The following VIT variants were observed in gnomAD, a reference collection of about 807,000 sequenced individuals.
The protein encoded by VIT is vitrin.
A neutral mutation model predicts 78.0 loss-of-function variants in VIT; 99 were observed. The observed-to-expected ratio is 1.27, with a 90% CI of 1.08 to 1.50. The LOEUF (loss-of-function observed/expected upper bound fraction) is 1.50. Among genes scored for constraint, VIT ranks in the 40% most tolerant of loss-of-function variants. The probability of loss-of-function intolerance (pLI) is 0.00; values close to 1 mark genes in which losing one functional copy is unlikely to be tolerated. For missense variants in VIT, 1,126 were observed against 875.3 expected, an observed-to-expected ratio of 1.29 and a Z score of -3.61; for synonymous variants, 374 against 334.3, an observed-to-expected ratio of 1.12 and a Z score of -1.29.
chr2:36,802,632 C>G (rs1262044008), intron 13 of VIT, among the ~76,000 whole-genome samples: 1 of 152,242 alleles, frequency 6.6e-6, no homozygotes, highest in Non-Finnish European at 1.5e-5. Flanking sequence ...GAGTTGATTT[C>G]TGGTTTGTTT....
intron 11 of VIT, among the ~76,000 whole-genome samples, chr2:36,783,877 G>C (rs1461919757): frequency 6.6e-6 from 1 of 152,192 alleles, no homozygotes; most frequent in African/African-American, 2.4e-5. Flanking sequence ...ACTACAATGA[G>C]GAACACTGGG....
chr2:36,716,792 AAACAAATG>A (rs1666163332), intron 2 of VIT, among the ~76,000 whole-genome samples: 1 of 152,006 alleles, frequency 6.6e-6, no homozygotes, highest in Non-Finnish European at 1.5e-5. Flanking sequence ...TTAATTTCGC[AAACAAATG>A]AACAAAAATT....
At position 36,810,979 on chromosome 2, in the gene VIT, T is replaced by C. The variant is rs569418240; in HGVS notation, c.1903+1994T>C. Among the ~76,000 whole-genome samples the C allele has an allele frequency of 5.2e-4, 79 of 152,332 alleles. No individual in the cohort carries two copies. In the South Asian group the frequency reaches 0.016, roughly 32 times the overall value. On this transcript the variant is annotated intron_variant, in intron 15 of 15. Coordinates refer to ENST00000379242, the MANE Select transcript of VIT (RefSeq NM_053276.4). ...CAGTTATTTGGCAGGATTTTCTGAA[T>C]GGTTGAAAGCTACTTTCATTTCTTC... is the stretch of plus-strand genomic sequence containing the variant.
chr2:36,787,557 G>A (rs73927067), intron 12 of VIT, among the ~76,000 whole-genome samples: 3,621 of 152,348 alleles, frequency 0.024, 124 homozygotes, highest in African/African-American at 0.082. Context: ...AGAGATGCGT[G>A]TGAGTGTTAA....
chr2:36,721,380 T>A (rs990608489), intron 2 of VIT, among the ~76,000 whole-genome samples: 3 of 152,174 alleles, frequency 2.0e-5, no homozygotes. Context: ...TCTGCCTCCC[T>A]GCCATCTCTC....
rs149089705 is a variant in VIT, at chr2:36,767,236, C to G, written c.630C>G (p.Thr210=). The change falls in exon 7 of 16, where the codon ACC becomes ACG. Residue 210 remains threonine, a synonymous_variant. Coordinates refer to ENST00000379242, the MANE Select transcript of VIT (RefSeq NM_053276.4). ...LPRPSPSAAS[T]TSIPRPQSVG... ...GGCCATCCCCTTCTGCTGCTTCTAC[C>G]ACCAGCATCCCCAGACCACAATCAG... 6.2e-7 allele frequency: 1 copy of G among 1,600,786 alleles called. No homozygotes were observed. The highest frequency in any genetic ancestry group is 2.3e-5 in the East Asian group (1 of 44,018).
At chr2:36,749,400 A>G (rs529576720) in intron 4 of VIT, among the ~76,000 whole-genome samples, 1 of 152,344 alleles carries the variant, frequency 6.6e-6, no homozygotes, top group African/African-American at 2.4e-5. Flanking sequence ...CTAAATGCAG[A>G]TACCGTAACA....
intron 9 of VIT, among the ~76,000 whole-genome samples, 160 bp downstream of exon 9, chr2:36,775,227 ATG>A (rs1318933825): frequency 6.6e-6 from 1 of 152,212 alleles, no homozygotes; most frequent in African/African-American, 2.4e-5. Flanking sequence ...CCTCGAGAAA[ATG>A]TCTCTTTGAT....
At chr2:36,750,700 A>C (rs1450724115) in intron 4 of VIT, among the ~76,000 whole-genome samples, 1 of 151,768 alleles carries the variant, frequency 6.6e-6, no homozygotes, top group Non-Finnish European at 1.5e-5. Context: ...GCACACATGT[A>C]ATCCCAGCTA....
chr2:36,793,793 G>C (rs1280420101), intron 12 of VIT, among the ~76,000 whole-genome samples: 1 of 152,176 alleles, frequency 6.6e-6, no homozygotes. Flanking sequence ...CCATTTGAGA[G>C]GCTCATTCTG....
chr2:36,795,502 T>A (rs56740767), intron 12 of VIT, among the ~76,000 whole-genome samples: 1 of 151,816 alleles, frequency 6.6e-6, no homozygotes, highest in South Asian at 2.1e-4. Context: ...AACCTCCGCC[T>A]CCCGGGTTCA....
chr2:36,721,748 T>C (rs1249067999), intron 2 of VIT, among the ~76,000 whole-genome samples: 1 of 152,176 alleles, frequency 6.6e-6, no homozygotes, highest in Non-Finnish European at 1.5e-5. Context: ...TACAAGCCTT[T>C]GAACATGCCT....
intron 7 of VIT, among the ~76,000 whole-genome samples, chr2:36,771,684 G>A (rs1669769639): frequency 6.6e-6 from 1 of 152,054 alleles, no homozygotes; most frequent in East Asian, 1.9e-4. Flanking sequence ...AAATGACCCA[G>A]AATTCACACT....
rs577847040 is a variant in VIT at position 36,729,996 on chromosome 2, A to T, written c.118+505A>T. ...GTGGTGTATCAGTTAAGATTAGATG[A>T]CAGAAAATCTGGAATAAGGCCAGCG... On this transcript the variant is annotated intron_variant, in intron 3 of 15. Transcript: ENST00000379242. Among the ~76,000 whole-genome samples the T allele has an allele frequency of 1.9e-3, 285 of 152,324 alleles. 10 individuals carry two copies. The highest frequency in any genetic ancestry group is 0.018 in the Admixed American group (280 of 15,300).
At chr2:36,704,753 C>G (rs79782259) in intron 1 of VIT, among the ~76,000 whole-genome samples, 24,240 of 152,106 alleles carry the variant, frequency 0.16, 2,460 homozygotes, top group Non-Finnish European at 0.23. Flanking sequence ...TGAGAGGGAG[C>G]CCCATGTCTG....
chr2:36,795,600 A>G (rs2148654420), intron 12 of VIT, among the ~76,000 whole-genome samples: 1 of 151,904 alleles, frequency 6.6e-6, no homozygotes, highest in Admixed American at 6.6e-5. Flanking sequence ...TTTTTAGTGG[A>G]GACTGGGTTT....
At chr2:36,801,740 C>T (rs11889890) in intron 13 of VIT, among the ~76,000 whole-genome samples, 4,194 of 149,734 alleles carry the variant, frequency 0.028, 171 homozygotes, top group African/African-American at 0.098. Context: ...GGCGCCACTG[C>T]ACTCCAGCCT....
Position 36,758,987 on chromosome 2 carries a change from G to A in VIT, c.428G>A (p.Gly143Asp), listed in dbSNP as rs751394201. ...FIVLESKPKK[G>D]VTYPSALTYS... Reference sequence around the variant, plus strand: ...TTTGCAGAAAGTAAACCCAAAAAGGGTGTAACCTACCCATCAGCTCTTACA... The same window carrying A: ...TTTGCAGAAAGTAAACCCAAAAAGGATGTAACCTACCCATCAGCTCTTACA... The change falls in exon 6 of 16, where the codon GGT (glycine) becomes GAT (aspartate). Residue 143 changes from glycine (G) to aspartate (D), a missense_variant. Transcript: ENST00000379242. The A allele has an allele frequency of 6.2e-7, 1 of 1,614,046 alleles. No homozygotes were observed. Among genetic ancestry groups the A allele is most frequent in the East Asian group, 2.2e-5 (1 of 44,878 alleles).
chr2:36,783,338 A>G lies in VIT; in HGVS notation c.848-2A>G, dbSNP rs147643782. 3.7e-5 allele frequency: 60 copies of G among 1,613,968 alleles called. No homozygotes were observed. The African/African-American group carries it at 7.5e-4, about 20-fold the overall frequency. ...CACCAAAAGTTTTACTGCTCTTTCC[A>G]GGACTTGTTCCAAAAGAAGAATTGA... is the stretch of plus-strand genomic sequence containing the variant. On this transcript the variant is annotated splice_acceptor_variant, in intron 10 of 15. Transcript: ENST00000379242. LOFTEE classifies it high-confidence loss of function.
Sources: allele counts gnomAD v4.1 joint callset (sites outside exome capture counted in the v4.1 genomes callset), GRCh38; gene constraint gnomAD v4.1.1; transcripts MANE v1.5; gene names NCBI Gene and HGNC (gene_info 2026-07-23, HGNC 2026-07-21).